SPTLC2: variants seen among roughly 807,000 people sequenced by gnomAD.
SPTLC2 encodes the protein serine palmitoyltransferase long chain base subunit 2.
In SPTLC2, 21 loss-of-function variants were observed where a neutral mutation model predicts 62.0. That is an observed-to-expected ratio of 0.34 (90% CI 0.24 to 0.49). The LOEUF (loss-of-function observed/expected upper bound fraction) is 0.49. Among genes scored for constraint, SPTLC2 ranks in the 20% least tolerant of loss-of-function variants. The pLI, the probability that SPTLC2 is intolerant of heterozygous loss-of-function variation, is 0.99. For missense variants in SPTLC2, 511 were observed against 713.0 expected (o/e 0.72, Z 3.23); for synonymous variants, 261 against 261.8 (o/e 1.00, Z 0.03).
intron 9 of SPTLC2, among the ~76,000 whole-genome samples, chr14:77,529,415 A>G (rs530284923): frequency 4.6e-4 from 69 of 151,188 alleles, no homozygotes; most frequent in Non-Finnish European, 6.9e-4. Context: ...ACTGGAACTT[A>G]TATCTTAAAG....
chr14:77,589,617 C>T lies in SPTLC2; in HGVS notation c.327+7569G>A, dbSNP rs559971652. Among the ~76,000 whole-genome samples, 128 of 152,182 alleles carry T rather than the reference C, an allele frequency of 8.4e-4. 2 individuals are homozygous for T. The highest frequency in any genetic ancestry group is 5.4e-3 in the South Asian group (26 of 4,820). On this transcript the variant is annotated intron_variant, in intron 2 of 11. Coordinates refer to ENST00000216484, the MANE Select transcript of SPTLC2 (RefSeq NM_004863.4). ...CCAGCCTGGCCAACATGGTGAAACC[C>T]TGTCTCTACTAAAAATACAAAAATT...
rs911972754 is a variant in SPTLC2, at chr14:77,589,931, T to A, written c.327+7255A>T. ...AGGCAGAGACTGCAGTGAGCTGAGA[T>A]CATGCGATTGCACTCCAGCCTGGAT... On this transcript the variant is annotated intron_variant, in intron 2 of 11. Transcript: ENST00000216484. Among the ~76,000 whole-genome samples the A allele has an allele frequency of 6.1e-5, 9 of 147,964 alleles. No individual in the cohort carries two copies. In the South Asian group the frequency reaches 1.9e-3, roughly 31 times the overall value.
Position 77,597,193 on chromosome 14 carries a change from T to G in SPTLC2, c.320A>C (p.Glu107Ala). 1 of 1,614,108 alleles carries G rather than the reference T, an allele frequency of 6.2e-7. No homozygotes were observed. ...EKCHHATERE[E>A]QKDFVSLYQD... The stretch of plus-strand genomic sequence containing the variant: ...AAACTCTCTAACAGTTACCTTTTGT[T>G]CTTCTCTTTCTGTTGCATGGTGACA... Residue 107 changes from glutamate to alanine, a missense_variant, in exon 2 of 12, where the codon GAA becomes GCA. By Grantham distance (107) the Glu-to-Ala change is moderately radical (BLOSUM62 -1). Transcript: ENST00000216484.
chr14:77,541,232 GT>G (rs2140009038), intron 9 of SPTLC2, among the ~76,000 whole-genome samples: 1 of 152,068 alleles, frequency 6.6e-6, no homozygotes, highest in East Asian at 1.9e-4. Context: ...TAGAGACAGG[GT>G]TTCACCATGT....
At chr14:77,610,753 C>A (rs1473628080) in intron 1 of SPTLC2, among the ~76,000 whole-genome samples, 2 of 151,794 alleles carry the variant, frequency 1.3e-5, no homozygotes, top group East Asian at 1.9e-4. Flanking sequence ...GAGTCTGAGA[C>A]CAGCCTGGGT....
At chr14:77,525,224 G>A (rs953495508) in intron 9 of SPTLC2, among the ~76,000 whole-genome samples, 1 of 151,916 alleles carries the variant, frequency 6.6e-6, no homozygotes, top group Non-Finnish European at 1.5e-5. Context: ...GTTTGGGGCT[G>A]TAGTGAGCTA....
intron 2 of SPTLC2, among the ~76,000 whole-genome samples, chr14:77,596,434 C>T (rs2079847978): frequency 6.6e-6 from 1 of 152,062 alleles, no homozygotes; most frequent in African/African-American, 2.4e-5. Flanking sequence ...ACCCAGGAGG[C>T]AGAGCTTGCA....
At chr14:77,580,413 G>A (rs909827057) in intron 2 of SPTLC2, among the ~76,000 whole-genome samples, 13 of 150,680 alleles carry the variant, frequency 8.6e-5, no homozygotes, top group African/African-American at 3.2e-4. Context: ...AACCTGGGAG[G>A]CAGAGGTTGC....
Position 77,587,258 on chromosome 14 carries a change from C to T in SPTLC2, c.328-8149G>A, listed in dbSNP as rs139121541. Among the ~76,000 whole-genome samples, 387 of 151,906 alleles carry T rather than the reference C, an allele frequency of 2.5e-3. 4 individuals carry two copies. The highest frequency in any genetic ancestry group is 8.9e-3 in the African/African-American group (369 of 41,430). On this transcript the variant is annotated intron_variant, in intron 2 of 11. Coordinates refer to ENST00000216484, the MANE Select transcript of SPTLC2 (RefSeq NM_004863.4). ...AAAAAAAAGAATTCTCAAACACAGC[C>T]GGTAGGTGTACAAACCAGTACAATA...
chr14:77,588,216 G>A (rs2079793553), intron 2 of SPTLC2, among the ~76,000 whole-genome samples: 1 of 152,116 alleles, frequency 6.6e-6, no homozygotes, highest in African/African-American at 2.4e-5. Flanking sequence ...GGGATTATTG[G>A]TATGAGCCAC....
intron 9 of SPTLC2, among the ~76,000 whole-genome samples, chr14:77,549,238 A>AAC (rs2079544139): frequency 1.3e-5 from 2 of 151,542 alleles, no homozygotes; most frequent in African/African-American, 4.8e-5. Flanking sequence ...AAAAAAAAAA[A>AAC]AACCAGCCAC....
At chr14:77,513,579 A>C (rs907734014) in intron 11 of SPTLC2, among the ~76,000 whole-genome samples, 1 of 152,146 alleles carries the variant, frequency 6.6e-6, no homozygotes, top group Non-Finnish European at 1.5e-5. Flanking sequence ...CCTCTGTGAC[A>C]AGATGTAATA....
intron 2 of SPTLC2, among the ~76,000 whole-genome samples, chr14:77,596,490 C>T (rs1055155987): frequency 1.3e-5 from 2 of 150,182 alleles, no homozygotes; most frequent in South Asian, 2.1e-4. Flanking sequence ...GTTGACAAAG[C>T]GAGACTCTGT....
Position 77,581,984 on chromosome 14 carries a change from G to A in SPTLC2, c.328-2875C>T, listed in dbSNP as rs193222165. On this transcript the variant is annotated intron_variant, in intron 2 of 11. Coordinates refer to ENST00000216484, the MANE Select transcript of SPTLC2 (RefSeq NM_004863.4). ...ATCCTTTTCATTCATGTAAAAAAGG[G>A]TAACAGTACTAACGCTTCTAATGAA... Among the ~76,000 whole-genome samples the A allele has an allele frequency of 1.5e-3, 226 of 151,914 alleles. 2 individuals carry two copies. The highest frequency in any genetic ancestry group is 0.012 in the South Asian group (56 of 4,798).
rs1003385756 is a variant in SPTLC2, at chr14:77,570,503, G to C, written c.637C>G (p.Leu213Val). Residue 213 changes from leucine to valine, a missense_variant, in exon 5 of 12, where the codon CTG becomes GTG. By Grantham distance (32) the Leu-to-Val change is conservative. Transcript: ENST00000216484. Reference sequence around the variant, plus strand: ...TCCTCTAGTTCTTCATGCTTGTCCAGGTTTCCTGTGTGAAGAAGTTAATAA... The same window carrying C: ...TCCTCTAGTTCTTCATGCTTGTCCACGTTTCCTGTGTGAAGAAGTTAATAA... ...VCSTRQEIGN[L>V]DKHEELEELV... The C allele has an allele frequency of 6.2e-7, 1 of 1,613,626 alleles. No individual in the cohort carries two copies. The highest frequency in any genetic ancestry group is 1.3e-5 in the African/African-American group (1 of 74,974).
At chr14:77,512,428 G>A (rs1322709924) in intron 11 of SPTLC2, 25 bp from the exon 12 acceptor site, 1 of 1,613,996 alleles carries the variant, frequency 6.2e-7, no homozygotes, top group Non-Finnish European at 8.5e-7. Context: ...ACAAAGTAGA[G>A]GTCTGTCAGA....
chr14:77,554,259 T>G (rs1204354607), intron 8 of SPTLC2, among the ~76,000 whole-genome samples: 3 of 151,996 alleles, frequency 2.0e-5, no homozygotes, highest in African/African-American at 7.2e-5. Flanking sequence ...AAATAACAGC[T>G]TCATTGTGAT....
chr14:77,607,541 T>G lies in SPTLC2; in HGVS notation c.132+8907A>C, dbSNP rs187118550. The stretch of plus-strand genomic sequence containing the variant: ...CATGGCTTTCCAATGAATTGAGATT[T>G]TCTAAGAATCAAATTTTCCTTTAAT... On this transcript the variant is annotated intron_variant, in intron 1 of 11. Transcript: ENST00000216484. Among the ~76,000 whole-genome samples, 7 of 152,370 alleles carry G rather than the reference T, an allele frequency of 4.6e-5. 1 individual carries two copies. The highest frequency in any genetic ancestry group is 4.6e-4 in the Admixed American group (7 of 15,308).
intron 4 of SPTLC2, among the ~76,000 whole-genome samples, 181 bp from the exon 5 acceptor site, chr14:77,570,689 T>A (rs987693066): frequency 3.9e-5 from 6 of 152,138 alleles, no homozygotes; most frequent in African/African-American, 1.4e-4. Context: ...TATGTGCTCA[T>A]AAAGAACACA....
Sources: allele counts gnomAD v4.1 joint callset (sites outside exome capture counted in the v4.1 genomes callset), GRCh38; gene constraint gnomAD v4.1.1; transcripts MANE v1.5; gene names NCBI Gene and HGNC (gene_info 2026-07-23, HGNC 2026-07-21).